SPAG17: variants seen among roughly 807,000 people sequenced by gnomAD.
SPAG17 encodes sperm associated antigen 17.
SPAG17 carries 169 observed loss-of-function variants against 273.6 expected under a neutral mutation model. That is an observed-to-expected ratio of 0.62 (90% CI 0.55 to 0.70). The LOEUF (loss-of-function observed/expected upper bound fraction) is 0.70. Ranked by LOEUF, SPAG17 falls within the 30% of genes least tolerant of loss-of-function variation. The pLI is 0.00. For synonymous variants in SPAG17, 825 were observed against 873.2 expected (o/e 0.94, Z 0.97); for missense variants, 2,557 against 2,627.8 (o/e 0.97, Z 0.59).
intron 13 of SPAG17, among the ~76,000 whole-genome samples, chr1:118,082,869 G>T (rs544642635): frequency 6.6e-6 from 1 of 152,274 alleles, no homozygotes; most frequent in African/African-American, 2.4e-5. Flanking sequence ...CAAATGCAAC[G>T]ATCCTGAGGC....
chr1:117,994,294 T>C (rs922658488), intron 35 of SPAG17, 112 bp downstream of exon 35: 7 of 1,193,374 alleles, frequency 5.9e-6, no homozygotes, highest in Non-Finnish European at 7.9e-6. Context: ...ATTAAAAATT[T>C]ACATAAGAAT....
intron 12 of SPAG17, 90 bp from the exon 13 acceptor site, chr1:118,086,162 C>A: frequency 1.7e-6 from 2 of 1,200,058 alleles, no homozygotes; most frequent in Non-Finnish European, 2.4e-6. Flanking sequence ...GATACCTTCA[C>A]CCTCATTATT....
intron 38 of SPAG17, 42 bp downstream of exon 38, chr1:117,990,819 A>G (rs761575814): frequency 2.2e-6 from 3 of 1,359,280 alleles, no homozygotes; most frequent in Non-Finnish European, 2.1e-6. Flanking sequence ...ATTCCTTTGA[A>G]ACTTGTAAAT....
Position 118,073,986 on chromosome 1 carries a change from A to C in SPAG17, c.2272-19T>G, listed in dbSNP as rs749269117. 1 of 1,512,632 alleles carries C rather than the reference A, an allele frequency of 6.6e-7. No homozygotes were observed. Among genetic ancestry groups the C allele is most frequent in the Non-Finnish European group, 8.8e-7 (1 of 1,130,764 alleles). 93.7% of individuals were successfully genotyped at this position (1,512,632 alleles called of 1,614,324 possible). A position where few individuals can be genotyped will look rare whatever the true frequency, so the allele number is the denominator to read the frequency against. On this transcript the variant is annotated intron_variant, in intron 16 of 48. Transcript: ENST00000336338. ...TGGGTTTCTAAAATATCATAGGAAC[A>C]CAATTTCAGCTTTAATTTGTTTAAG...
intron 43 of SPAG17, 61 bp downstream of exon 43, chr1:117,981,209 T>C (rs1655760372): frequency 2.7e-6 from 4 of 1,493,388 alleles, no homozygotes; most frequent in Non-Finnish European, 3.6e-6. Flanking sequence ...CCATCTCCCA[T>C]ATGCCAAAAA....
At chr1:118,165,467 G>A (rs1660117589) in intron 1 of SPAG17, among the ~76,000 whole-genome samples, 1 of 151,884 alleles carries the variant, frequency 6.6e-6, no homozygotes, top group Admixed American at 6.6e-5. Context: ...CCCAGACAAC[G>A]ACGCTACTTC....
At chr1:118,147,094 T>C (rs1659044807) in intron 3 of SPAG17, among the ~76,000 whole-genome samples, 2 of 152,326 alleles carry the variant, frequency 1.3e-5, no homozygotes, top group African/African-American at 4.8e-5. Flanking sequence ...ATTGAATGCC[T>C]ACCACGCGCC....
chr1:117,984,128 A>C (rs1208936331), intron 41 of SPAG17, among the ~76,000 whole-genome samples: 2 of 152,252 alleles, frequency 1.3e-5, no homozygotes, highest in Non-Finnish European at 2.9e-5. Flanking sequence ...TTTCATAGAA[A>C]TGCAGGGCGT....
At chr1:118,013,516 C>G (rs1430553501) in intron 29 of SPAG17, among the ~76,000 whole-genome samples, 2 of 152,122 alleles carry the variant, frequency 1.3e-5, no homozygotes, top group East Asian at 3.9e-4. Context: ...CCGCAAATGG[C>G]TGGGTAGACT....
At chr1:118,141,462 T>A (rs1658676123) in intron 3 of SPAG17, among the ~76,000 whole-genome samples, 1 of 152,220 alleles carries the variant, frequency 6.6e-6, no homozygotes, top group South Asian at 2.1e-4. Context: ...TTTTATTTTT[T>A]AATGCACATT....
chr1:118,153,292 G>A (rs1386481965), intron 1 of SPAG17, among the ~76,000 whole-genome samples: 2 of 152,068 alleles, frequency 1.3e-5, no homozygotes, highest in Non-Finnish European at 2.9e-5. Context: ...TACAAGATAG[G>A]TTCACTATTA....
At chr1:118,174,186 AT>A (rs1339275841) in intron 1 of SPAG17, among the ~76,000 whole-genome samples, 1 of 152,214 alleles carries the variant, frequency 6.6e-6, no homozygotes, top group Non-Finnish European at 1.5e-5. Flanking sequence ...TGTTTTAGAT[AT>A]GTTCAAACAC....
At chr1:118,164,206 A>T (rs991437891) in intron 1 of SPAG17, among the ~76,000 whole-genome samples, 1 of 152,128 alleles carries the variant, frequency 6.6e-6, no homozygotes, top group African/African-American at 2.4e-5. Flanking sequence ...CTACATCTCC[A>T]ACTTTGCAGT....
At chr1:118,078,480 A>T (rs967495488) in intron 15 of SPAG17, among the ~76,000 whole-genome samples, 3 of 152,016 alleles carry the variant, frequency 2.0e-5, no homozygotes, top group Admixed American at 6.6e-5. Context: ...ATTAATTCTA[A>T]TTTTTTTGTG....
chr1:117,983,231 T>G (rs1486664475), intron 42 of SPAG17, among the ~76,000 whole-genome samples: 4 of 152,132 alleles, frequency 2.6e-5, no homozygotes, highest in Non-Finnish European at 5.9e-5. Flanking sequence ...ATGAAACTTA[T>G]TCACTATCAC....
At chr1:118,166,012 C>T (rs571294966) in intron 1 of SPAG17, among the ~76,000 whole-genome samples, 2 of 152,288 alleles carry the variant, frequency 1.3e-5, no homozygotes, top group Non-Finnish European at 2.9e-5. Flanking sequence ...CTTAATATTA[C>T]TAACCTTAAA....
At chr1:118,088,197 C>T (rs1655134052) in intron 10 of SPAG17, among the ~76,000 whole-genome samples, 1 of 152,132 alleles carries the variant, frequency 6.6e-6, no homozygotes, top group South Asian at 2.1e-4. Flanking sequence ...AAAGTATCAT[C>T]CCATCACTCC....
intron 43 of SPAG17, among the ~76,000 whole-genome samples, chr1:117,975,577 A>C (rs1401265600): frequency 6.6e-6 from 1 of 152,210 alleles, no homozygotes; most frequent in Non-Finnish European, 1.5e-5. Flanking sequence ...ACCACAAGGA[A>C]CATGCTCCTT....
intron 1 of SPAG17, among the ~76,000 whole-genome samples, chr1:118,172,769 T>A (rs1660478994): frequency 6.6e-6 from 1 of 152,152 alleles, no homozygotes; most frequent in African/African-American, 2.4e-5. Context: ...CACTTAACAT[T>A]AATAATTGTG....
Sources: gnomAD v4.1 joint callset for allele counts (sites outside exome capture counted in the v4.1 genomes callset) on GRCh38, gnomAD v4.1.1 for gene constraint, MANE v1.5 for transcripts, NCBI Gene and HGNC (gene_info 2026-07-23, HGNC 2026-07-21) for gene names.